CA10: variants seen among roughly 807,000 people sequenced by gnomAD.
The protein encoded by CA10 is carbonic anhydrase 10 (inactive).
CA10 carries 14 observed loss-of-function variants against 44.2 expected under a neutral mutation model. The observed-to-expected ratio is 0.32, with a 90% CI of 0.21 to 0.50. The LOEUF (loss-of-function observed/expected upper bound fraction) is 0.50. CA10 is among the 20% of genes least tolerant of loss of function. CA10 has a pLI of 0.99. For synonymous variants in CA10, 159 were observed against 141.6 expected, an observed-to-expected ratio of 1.12 and a Z score of -0.87; for missense variants, 350 against 409.7, an observed-to-expected ratio of 0.85 and a Z score of 1.26.
intron 1 of CA10, among the ~76,000 whole-genome samples, chr17:52,136,271 T>G (rs909197391): frequency 5.9e-5 from 9 of 152,206 alleles, no homozygotes; most frequent in African/African-American, 2.2e-4. Context: ...AGTTAGTGGT[T>G]GCACAATAAA....
chr17:52,026,641 T>C (rs539609907), intron 2 of CA10, among the ~76,000 whole-genome samples: 1 of 152,098 alleles, frequency 6.6e-6, no homozygotes, highest in Non-Finnish European at 1.5e-5. Flanking sequence ...AAACAGATCC[T>C]TCTTCATGTG....
intron 3 of CA10, among the ~76,000 whole-genome samples, chr17:51,812,391 CAT>C (rs746631558): frequency 1.3e-5 from 2 of 152,114 alleles, no homozygotes; most frequent in Non-Finnish European, 2.9e-5. Flanking sequence ...TTTCCAATCC[CAT>C]GTTTAGTGTC....
At chr17:51,738,964 AT>A (rs1299876090) in intron 4 of CA10, among the ~76,000 whole-genome samples, 1 of 151,992 alleles carries the variant, frequency 6.6e-6, no homozygotes, top group African/African-American at 2.4e-5. Context: ...CTGGCATTTG[AT>A]TTTTCCTTTG....
chr17:51,825,226 G>A (rs1049105919), intron 3 of CA10, among the ~76,000 whole-genome samples: 7 of 152,182 alleles, frequency 4.6e-5, no homozygotes, highest in African/African-American at 1.4e-4. Context: ...ATTAAAGAAT[G>A]CATAAAACTG....
chr17:52,146,906 A>C (rs1400193154), intron 1 of CA10, among the ~76,000 whole-genome samples: 1 of 152,048 alleles, frequency 6.6e-6, no homozygotes, highest in Admixed American at 6.5e-5. Flanking sequence ...CCAAGTCACC[A>C]CTAAATACAG....
chr17:52,091,329 C>A (rs1988259420), intron 1 of CA10, among the ~76,000 whole-genome samples: 1 of 152,028 alleles, frequency 6.6e-6, no homozygotes. Context: ...CAAAACCTCC[C>A]ACTGTGTGCT....
chr17:51,740,750 A>G (rs1382799435), intron 4 of CA10, among the ~76,000 whole-genome samples: 1 of 151,852 alleles, frequency 6.6e-6, no homozygotes, highest in Non-Finnish European at 1.5e-5. Context: ...GCTCCCTCCC[A>G]CTTCAAAATC....
intron 3 of CA10, among the ~76,000 whole-genome samples, chr17:51,896,706 G>A (rs1180804716): frequency 6.6e-6 from 1 of 152,082 alleles, no homozygotes; most frequent in African/African-American, 2.4e-5. Flanking sequence ...CACCAGCAGT[G>A]TATAAGCATT....
intron 4 of CA10, among the ~76,000 whole-genome samples, chr17:51,695,684 A>G (rs1915379697): frequency 6.6e-6 from 1 of 152,134 alleles, no homozygotes; most frequent in Non-Finnish European, 1.5e-5. Context: ...TGCTCTGGCA[A>G]GGACTTCCAG....
chr17:52,082,658 CAA>C (rs1988013862), intron 1 of CA10, among the ~76,000 whole-genome samples: 1 of 152,174 alleles, frequency 6.6e-6, no homozygotes, highest in Admixed American at 6.5e-5. Flanking sequence ...AATGTTATAA[CAA>C]TCTGCATTGC....
chr17:52,050,119 G>A (rs1248942520), intron 2 of CA10, among the ~76,000 whole-genome samples: 1 of 152,022 alleles, frequency 6.6e-6, no homozygotes, highest in Non-Finnish European at 1.5e-5. Flanking sequence ...TATCCCCACT[G>A]ATAAGTGACA....
intron 4 of CA10, among the ~76,000 whole-genome samples, chr17:51,661,402 G>A (rs951425113): frequency 3.3e-5 from 5 of 152,190 alleles, no homozygotes; most frequent in Non-Finnish European, 5.9e-5. Context: ...ACATTGGGCT[G>A]CGTGGGTTGC....
intron 1 of CA10, 142 bp from the exon 2 acceptor site, chr17:52,072,535 T>C: frequency 2.4e-6 from 1 of 423,332 alleles, no homozygotes. Flanking sequence ...TCCTTCTCCC[T>C]TCCCTTTTTT....
rs1426330193 is a variant in CA10, at chr17:51,717,626, C to CACATATATGTATAT, written c.465+30006_465+30007insATATACATATATGT. Reference sequence around the variant, plus strand: ...ATATACATGTATACATGTATATATGCACATATATGCATGTATATATACATA... The same window carrying CACATATATGTATAT: ...ATATACATGTATACATGTATATATGCACATATATGTATATACATATATGCATGTATATATACATA... On this transcript the variant is annotated intron_variant, in intron 4 of 8. Coordinates refer to ENST00000451037, the MANE Select transcript of CA10 (RefSeq NM_020178.5). Among the ~76,000 whole-genome samples, 10 of 63,564 alleles carry CACATATATGTATAT rather than the reference C, an allele frequency of 1.6e-4. 1 individual carries two copies. Among genetic ancestry groups the CACATATATGTATAT allele is most frequent in the East Asian group, 1.3e-3 (2 of 1,564 alleles). 41.7% of individuals were successfully genotyped at this position (63,564 alleles called of 152,430 possible).
intron 2 of CA10, among the ~76,000 whole-genome samples, chr17:52,060,854 C>T (rs560149509): frequency 1.8e-4 from 27 of 152,262 alleles, no homozygotes; most frequent in African/African-American, 6.3e-4. Context: ...CCTGCTTCTA[C>T]GTTGACCTGC....
At chr17:51,724,716 T>A (rs1220409114) in intron 4 of CA10, among the ~76,000 whole-genome samples, 1 of 152,182 alleles carries the variant, frequency 6.6e-6, no homozygotes, top group Non-Finnish European at 1.5e-5. Flanking sequence ...GAAAATACAA[T>A]GTAAAAGAGA....
At chr17:51,861,398 AGAG>A (rs1979298256) in intron 3 of CA10, among the ~76,000 whole-genome samples, 1 of 152,086 alleles carries the variant, frequency 6.6e-6, no homozygotes, top group South Asian at 2.1e-4. Context: ...TGAGAGAGAG[AGAG>A]AAAAAAGATG....
At chr17:51,833,112 G>A (rs1435260564) in intron 3 of CA10, among the ~76,000 whole-genome samples, 2 of 152,182 alleles carry the variant, frequency 1.3e-5, no homozygotes, top group Admixed American at 6.5e-5. Flanking sequence ...CCAAACACAG[G>A]TGTAGATTCC....
intron 3 of CA10, among the ~76,000 whole-genome samples, chr17:51,802,287 G>GT (rs1421223410): frequency 1.2e-4 from 18 of 152,314 alleles, no homozygotes; most frequent in Admixed American, 7.8e-4. Flanking sequence ...TCCTGGTTCT[G>GT]TTTTTCATCA....
Sources: gnomAD v4.1 joint callset for allele counts (sites outside exome capture counted in the v4.1 genomes callset) on GRCh38, gnomAD v4.1.1 for gene constraint, MANE v1.5 for transcripts, NCBI Gene and HGNC (gene_info 2026-07-23, HGNC 2026-07-21) for gene names.